The following MYT1L variants were observed in gnomAD, a reference collection of about 807,000 sequenced individuals.
MYT1L encodes myelin transcription factor 1 like.
In MYT1L, 12 loss-of-function variants were observed where a neutral mutation model predicts 126.7. The observed-to-expected ratio is 0.09, with a 90% CI of 0.06 to 0.15. The LOEUF (loss-of-function observed/expected upper bound fraction) is 0.15, where lower values mean the gene tolerates loss of function less well. Ranked by LOEUF, MYT1L falls within the 10% of genes least tolerant of loss-of-function variation. MYT1L has a pLI of 1.00. For missense variants in MYT1L, 979 were observed against 1,585.2 expected (o/e 0.62, Z 6.49); for synonymous variants, 541 against 604.2 (o/e 0.90, Z 1.53).
At chr2:1,802,063 C>G in intron 22 of MYT1L, 1 of 337,556 alleles carries the variant, frequency 3.0e-6, no homozygotes, top group South Asian at 4.1e-5. Context: ...GGGTCGAGCT[C>G]CCAGGGACAG....
intron 1 of MYT1L, chr2:2,303,753 C>T (rs2095819702): frequency 6.6e-6 from 1 of 152,276 alleles, no homozygotes; most frequent in Admixed American, 6.5e-5. Context: ...AGCAGCTTGT[C>T]TGAAAATGAC....
At chr2:2,322,841 A>G (rs1047143103) in intron 1 of MYT1L, among the ~76,000 whole-genome samples, 1 of 152,218 alleles carries the variant, frequency 6.6e-6, no homozygotes. Flanking sequence ...TAATGGAACT[A>G]TGACTTTATG....
At chr2:2,305,252 A>C (rs1333152581) in intron 1 of MYT1L, among the ~76,000 whole-genome samples, 1 of 152,192 alleles carries the variant, frequency 6.6e-6, no homozygotes. Context: ...ATTCCAGTTA[A>C]AAACTTCAGG....
chr2:1,961,313 A>G (rs899814608), intron 8 of MYT1L, among the ~76,000 whole-genome samples: 2 of 152,044 alleles, frequency 1.3e-5, no homozygotes. Context: ...CTATAAAATT[A>G]AACAAAAATA....
At chr2:2,158,370 A>G (rs2087097357) in intron 3 of MYT1L, among the ~76,000 whole-genome samples, 1 of 152,214 alleles carries the variant, frequency 6.6e-6, no homozygotes, top group Non-Finnish European at 1.5e-5. Flanking sequence ...TGTGTTTGGC[A>G]TGCAGTCACC....
rs1404551023 is a variant in MYT1L at position 1,889,762 on chromosome 2, C to G, written c.2284-285G>C. Among the ~76,000 whole-genome samples the G allele has an allele frequency of 6.6e-6, 1 of 152,040 alleles. No individual in the cohort carries two copies. The highest frequency in any genetic ancestry group is 2.4e-5 in the African/African-American group (1 of 41,376). ...TTTCCCTATTTATCTACTGTCTATC[C>G]TCTCTCTCTCCTTCCTTTTTGTCCT... On this transcript the variant is annotated intron_variant, in intron 15 of 24. Coordinates refer to ENST00000647738, the MANE Select transcript of MYT1L (RefSeq NM_001303052.2). The surrounding 1 kb of genome is among the most constrained non-coding windows in gnomAD (Gnocchi z 4.1).
chr2:2,182,743 T>C (rs1422187051), intron 2 of MYT1L, among the ~76,000 whole-genome samples: 2 of 152,190 alleles, frequency 1.3e-5, no homozygotes, highest in Admixed American at 6.5e-5. Context: ...GAAGGAGCAG[T>C]GGTTTGGGAA....
intron 2 of MYT1L, among the ~76,000 whole-genome samples, chr2:2,197,480 TACACACATGCAC>T (rs1439983465): frequency 6.6e-6 from 1 of 152,254 alleles, no homozygotes; most frequent in African/African-American, 2.4e-5. Flanking sequence ...CAGGTGTATA[TACACACATGCAC>T]ACACACATGC....
At chr2:2,009,561 C>A (rs969291032) in intron 4 of MYT1L, among the ~76,000 whole-genome samples, 2 of 152,196 alleles carry the variant, frequency 1.3e-5, no homozygotes, top group East Asian at 1.9e-4. Flanking sequence ...TATTCTGCAA[C>A]TTTGCCGAAT....
rs73914910 is a variant in MYT1L, at chr2:2,277,643, G to T, written c.-421+6761C>A. 4.4e-3 allele frequency among the ~76,000 whole-genome samples: 674 copies of T among 152,286 alleles called. 2 individuals carry two copies. Among genetic ancestry groups the T allele is most frequent in the African/African-American group, 0.015 (641 of 41,544 alleles). On this transcript the variant is annotated intron_variant, in intron 2 of 24. Coordinates refer to ENST00000647738, the MANE Select transcript of MYT1L (RefSeq NM_001303052.2). ...CCTGTAATAGGGATGAGTTAGAATT[G>T]AAATAGTGTGGAAAAGAAATAATTA...
intron 3 of MYT1L, among the ~76,000 whole-genome samples, chr2:2,056,344 C>T (rs1336869437): frequency 6.6e-6 from 1 of 152,306 alleles, no homozygotes; most frequent in Non-Finnish European, 1.5e-5. Context: ...AGAGTAATTG[C>T]TGGAGGTGAG....
intron 13 of MYT1L, among the ~76,000 whole-genome samples, chr2:1,907,499 G>A (rs1304040628): frequency 6.6e-6 from 1 of 152,190 alleles, no homozygotes; most frequent in African/African-American, 2.4e-5. Flanking sequence ...AAGGCTGGGA[G>A]AAGCATAATC....
At chr2:2,070,313 A>C (rs542868064) in intron 3 of MYT1L, among the ~76,000 whole-genome samples, 1 of 152,260 alleles carries the variant, frequency 6.6e-6, no homozygotes, top group Non-Finnish European at 1.5e-5. Context: ...CCATTTGTCT[A>C]TCCATCCAAC....
chr2:1,857,634 G>A (rs1245542243), intron 18 of MYT1L, among the ~76,000 whole-genome samples: 1 of 151,678 alleles, frequency 6.6e-6, no homozygotes, highest in South Asian at 2.1e-4. Context: ...TTTATCCCCC[G>A]AATTAAAACA....
intron 20 of MYT1L, among the ~76,000 whole-genome samples, chr2:1,840,187 A>C (rs1038465492): frequency 1.3e-5 from 2 of 152,076 alleles, no homozygotes; most frequent in Non-Finnish European, 2.9e-5. Context: ...TTTAATTAAA[A>C]CTTTTTTCTG....
Position 1,917,442 on chromosome 2 carries a change from C to G in MYT1L, c.1484-103G>C. On this transcript the variant is annotated intron_variant, in intron 10 of 24. Coordinates refer to ENST00000647738, the MANE Select transcript of MYT1L (RefSeq NM_001303052.2). This position sits in a 1 kb window ranked among gnomAD's most constrained non-coding sequence, Gnocchi z 5.9. ...AACCTTGCTAAAGAAAGAAATAAAG[C>G]AGGTGTCGGGGGCTAGGCTGTGACA... The G allele has an allele frequency of 2.8e-6, 4 of 1,410,784 alleles. No individual in the cohort carries two copies. Among genetic ancestry groups the G allele is most frequent in the Non-Finnish European group, 3.9e-6 (4 of 1,036,162 alleles). The allele number at this position is 1,410,784 out of a possible 1,614,324, so 87.4% of individuals were successfully genotyped here.
intron 2 of MYT1L, among the ~76,000 whole-genome samples, chr2:2,216,240 C>T (rs2093673740): frequency 6.6e-6 from 1 of 152,014 alleles, no homozygotes. Context: ...CCTAATACAC[C>T]AAGGTAGATT....
At chr2:1,940,645 C>G (rs1000375799) in intron 9 of MYT1L, among the ~76,000 whole-genome samples, 1 of 152,266 alleles carries the variant, frequency 6.6e-6, no homozygotes, top group African/African-American at 2.4e-5. Flanking sequence ...CTGCACCTTC[C>G]TGAGTAGCTC....
chr2:2,283,026 G>C (rs1292009208), intron 2 of MYT1L, among the ~76,000 whole-genome samples: 1 of 152,216 alleles, frequency 6.6e-6, no homozygotes, highest in Non-Finnish European at 1.5e-5. Flanking sequence ...GGTGAGCCAA[G>C]ATTGTGCCAC....
Sources: allele counts gnomAD v4.1 joint callset (sites outside exome capture counted in the v4.1 genomes callset), GRCh38; gene constraint gnomAD v4.1.1; non-coding constraint Gnocchi (gnomAD v3.1); transcripts MANE v1.5; gene names NCBI Gene and HGNC (gene_info 2026-07-23, HGNC 2026-07-21).